Variants in SEC23IP observed in about 807,000 individuals in gnomAD.
SEC23IP encodes SEC23 interacting protein.
In SEC23IP, 70 loss-of-function variants were observed where a neutral mutation model predicts 113.4. The observed-to-expected ratio is 0.62, with a 90% CI of 0.51 to 0.75. SEC23IP has a LOEUF of 0.75. SEC23IP is among the 30% of genes least tolerant of loss of function. SEC23IP has a pLI of 0.00. For missense variants in SEC23IP, 1,160 were observed against 1,204.9 expected (o/e 0.96, Z 0.55); for synonymous variants, 398 against 421.0 (o/e 0.95, Z 0.67).
rs144551606 is a variant in SEC23IP at position 119,912,784 on chromosome 10, G to A, written c.1312+620G>A. Reference sequence around the variant, plus strand: ...GCCTCCCGAGTAGCTGGGATTACAGGCGTGCACCACCACGCCCGGCTAATT... The same window carrying A: ...GCCTCCCGAGTAGCTGGGATTACAGACGTGCACCACCACGCCCGGCTAATT... On this transcript the variant is annotated intron_variant, in intron 6 of 18. Coordinates refer to ENST00000369075, the MANE Select transcript of SEC23IP (RefSeq NM_007190.4). Among the ~76,000 whole-genome samples, 241 of 151,904 alleles carry A rather than the reference G, an allele frequency of 1.6e-3. 2 individuals are homozygous for A. The highest frequency in any genetic ancestry group is 5.6e-3 in the African/African-American group (233 of 41,428).
intron 13 of SEC23IP, 89 bp from the exon 14 acceptor site, chr10:119,929,518 G>A (rs113085369): frequency 0.14 from 157,609 of 1,115,788 alleles, 11,846 homozygotes; most frequent in Admixed American, 0.2. Context: ...ACAGGCATGA[G>A]CCACCACGCC....
chr10:119,904,435 T>G (rs1854598926), intron 4 of SEC23IP, 158 bp downstream of exon 4: 3 of 637,358 alleles, frequency 4.7e-6, no homozygotes, highest in Non-Finnish European at 8.3e-6. Flanking sequence ...GTGTCATCAC[T>G]CATGAGGTGC....
At chr10:119,932,067 A>G in intron 15 of SEC23IP, 66 bp from the exon 16 acceptor site, 1 of 1,035,940 alleles carries the variant, frequency 9.7e-7, no homozygotes, top group Non-Finnish European at 1.5e-6. Flanking sequence ...GTTAACTTAC[A>G]ATTTTTGTGA....
In SEC23IP at chr10:119,942,292, T is replaced by G. The variant is rs1855987272; in HGVS notation, c.*1727T>G. On this transcript the variant is annotated 3_prime_UTR_variant, in exon 19 of 19. Transcript: ENST00000369075. ...ACTTGAGTACACAGAAAATAGAATT[T>G]TTGAGTGACTCTGCCTGTGGATATA... is the stretch of plus-strand genomic sequence containing the variant. 6.6e-6 allele frequency: 1 copy of G among 152,094 alleles called. No individual in the cohort carries two copies. The allele number at this position is 152,094 out of a possible 1,614,324, so 9.4% of individuals were successfully genotyped here. A position where few individuals can be genotyped will look rare whatever the true frequency, so the allele number is the denominator to read the frequency against.
At position 119,913,649 on chromosome 10, in the gene SEC23IP, G is replaced by A. The variant is rs376475793; in HGVS notation, c.1313-1081G>A. Among the ~76,000 whole-genome samples the A allele has an allele frequency of 9.9e-5, 15 of 151,278 alleles. No homozygotes were observed. The East Asian group carries it at 2.2e-3, about 22-fold the overall frequency. On this transcript the variant is annotated intron_variant, in intron 6 of 18. Transcript: ENST00000369075. ...TGGGATTACAGGCGCCCACCACCAC[G>A]CCCGGCTAATTTTTGTATTTTTAGT...
intron 12 of SEC23IP, among the ~76,000 whole-genome samples, chr10:119,921,767 T>G (rs1459342551): frequency 1.3e-5 from 2 of 152,212 alleles, no homozygotes; most frequent in African/African-American, 4.8e-5. Context: ...GTTTTCTAAT[T>G]AGAAAAATTA....
intron 5 of SEC23IP, among the ~76,000 whole-genome samples, chr10:119,911,561 G>A (rs914158173): frequency 1.3e-5 from 2 of 151,882 alleles, no homozygotes; most frequent in East Asian, 1.9e-4. Flanking sequence ...TTGCAGCCTC[G>A]ACCTCTTGGG....
intron 4 of SEC23IP, among the ~76,000 whole-genome samples, chr10:119,908,840 A>C (rs1353533484): frequency 1.3e-5 from 2 of 152,176 alleles, no homozygotes; most frequent in African/African-American, 4.8e-5. Flanking sequence ...TATAATGGGG[A>C]TCCTGTTACT....
At chr10:119,924,283 G>C (rs776218578) in intron 12 of SEC23IP, among the ~76,000 whole-genome samples, 4 of 152,150 alleles carry the variant, frequency 2.6e-5, no homozygotes, top group Admixed American at 6.5e-5. Context: ...TTTAAATCGA[G>C]ACTAACACTT....
chr10:119,934,530 T>A (rs1460072202), intron 18 of SEC23IP, among the ~76,000 whole-genome samples: 1 of 152,254 alleles, frequency 6.6e-6, no homozygotes, highest in Non-Finnish European at 1.5e-5. Flanking sequence ...ACTGTCCTCC[T>A]GAGACACCAG....
At chr10:119,914,653 A>G in intron 6 of SEC23IP, 77 bp from the exon 7 acceptor site, 2 of 1,126,428 alleles carry the variant, frequency 1.8e-6, no homozygotes, top group Non-Finnish European at 2.7e-6. Context: ...GACGAAAGGG[A>G]TATCTAGAAT....
In SEC23IP at chr10:119,898,638, A is replaced by T; in HGVS notation, c.375A>T (p.Gly125=). ...TGACTGCTCTCCCTTTTACAACTGG[A>T]TCCCAAGATGTCTCGAATGCATTTT... ...KPLTALPFTT[G]SQDVSNAFSP... The change falls in exon 2 of 19, where the codon GGA becomes GGT. Residue 125 remains glycine, a synonymous_variant. Coordinates refer to ENST00000369075, the MANE Select transcript of SEC23IP (RefSeq NM_007190.4). The T allele has an allele frequency of 1.2e-6, 2 of 1,614,198 alleles. No homozygotes were observed. Among genetic ancestry groups the T allele is most frequent in the Admixed American group, 1.7e-5 (1 of 60,010 alleles).
At chr10:119,903,846 A>G (rs994265019) in intron 3 of SEC23IP, among the ~76,000 whole-genome samples, 1 of 152,094 alleles carries the variant, frequency 6.6e-6, no homozygotes, top group African/African-American at 2.4e-5. Context: ...TCAGCCTCCC[A>G]AGTAGCTGGG....
At chr10:119,911,285 A>G (rs1854852563) in intron 5 of SEC23IP, among the ~76,000 whole-genome samples, 1 of 150,188 alleles carries the variant, frequency 6.7e-6, no homozygotes, top group African/African-American at 2.4e-5. Context: ...TTTTTATTTT[A>G]TTATTATTAT....
At chr10:119,893,286 T>A (rs1160996481) in intron 1 of SEC23IP, among the ~76,000 whole-genome samples, 4 of 152,058 alleles carry the variant, frequency 2.6e-5, no homozygotes, top group Non-Finnish European at 5.9e-5. Flanking sequence ...TCTCCTAGGG[T>A]ACAGTAGTCT....
At chr10:119,924,331 C>T (rs1226604308) in intron 12 of SEC23IP, among the ~76,000 whole-genome samples, 1 of 152,164 alleles carries the variant, frequency 6.6e-6, no homozygotes, top group Non-Finnish European at 1.5e-5. Context: ...TCCCACCCAA[C>T]TGTTTAAATT....
intron 4 of SEC23IP, among the ~76,000 whole-genome samples, chr10:119,906,174 C>G (rs1380400695): frequency 6.6e-6 from 1 of 151,038 alleles, no homozygotes; most frequent in African/African-American, 2.4e-5. Context: ...CTTAGCTACT[C>G]AGGAGGCAGA....
intron 7 of SEC23IP, 27 bp downstream of exon 7, chr10:119,914,846 T>G: frequency 6.3e-7 from 1 of 1,585,570 alleles, no homozygotes; most frequent in Non-Finnish European, 8.7e-7. Context: ...TTGTATTTCA[T>G]GGGATGATCT....
chr10:119,910,325 A>T (rs1200531526), intron 5 of SEC23IP, among the ~76,000 whole-genome samples: 1 of 151,980 alleles, frequency 6.6e-6, no homozygotes, highest in Non-Finnish European at 1.5e-5. Flanking sequence ...TGGTATTCTG[A>T]TTCTATCATT....
Sources: allele counts gnomAD v4.1 joint callset (sites outside exome capture counted in the v4.1 genomes callset), GRCh38; gene constraint gnomAD v4.1.1; transcripts MANE v1.5; gene names NCBI Gene and HGNC (gene_info 2026-07-23, HGNC 2026-07-21).